The following NDUFS4 variants were observed in gnomAD, a reference collection of about 807,000 sequenced individuals.
The protein encoded by NDUFS4 is NADH:ubiquinone oxidoreductase subunit S4.
A neutral mutation model predicts 24.3 loss-of-function variants in NDUFS4; 28 were observed. The observed-to-expected ratio is 1.15, with a 90% CI of 0.85 to 1.58. The LOEUF is 1.58. Among genes scored for constraint, NDUFS4 ranks in the 40% most tolerant of loss-of-function variants. NDUFS4 has a pLI of 0.00. For missense variants in NDUFS4, 223 were observed against 207.9 expected (o/e 1.07, Z -0.45); for synonymous variants, 93 against 69.7 (o/e 1.34, Z -1.67).
At chr5:53,657,221 T>TA (rs1258862671) in intron 3 of NDUFS4, among the ~76,000 whole-genome samples, 1 of 152,170 alleles carries the variant, frequency 6.6e-6, no homozygotes, top group Non-Finnish European at 1.5e-5. Context: ...ATATATACTT[T>TA]AACTATCAAC....
rs770044273 is a variant in NDUFS4 at position 53,651,157 on chromosome 5, TAAC to T, written c.350+4756_350+4758del. ...TCATTAATTCTTTTTGTTCTGGTGTTAACAACCAGTAGCATGAAAAAATATAAG... is the reference window on the plus strand; with the variant it reads ...TCATTAATTCTTTTTGTTCTGGTGTTAACCAGTAGCATGAAAAAATATAAG... On this transcript the variant is annotated intron_variant, in intron 3 of 4. Transcript: ENST00000296684. 1.2e-4 allele frequency among the ~76,000 whole-genome samples: 19 copies of T among 152,248 alleles called. No individual in the cohort carries two copies. The South Asian group carries it at 1.9e-3, about 15-fold the overall frequency.
chr5:53,572,528 G>T (rs1479385131), intron 1 of NDUFS4, among the ~76,000 whole-genome samples: 2 of 151,978 alleles, frequency 1.3e-5, no homozygotes, highest in Non-Finnish European at 2.9e-5. Context: ...CAAAGTAAAA[G>T]TTTTAAATTT....
At chr5:53,577,833 A>G (rs943237688) in intron 1 of NDUFS4, among the ~76,000 whole-genome samples, 6 of 152,214 alleles carry the variant, frequency 3.9e-5, no homozygotes, top group East Asian at 1.9e-4. Context: ...TTCCTATGCT[A>G]TGTGCCAGGG....
At chr5:53,597,847 A>G (rs1028885097) in intron 1 of NDUFS4, among the ~76,000 whole-genome samples, 4 of 152,190 alleles carry the variant, frequency 2.6e-5, no homozygotes, top group Non-Finnish European at 5.9e-5. Flanking sequence ...TATTTGCAAA[A>G]CACGTATCTC....
intron 1 of NDUFS4, among the ~76,000 whole-genome samples, chr5:53,591,013 T>C (rs1011503050): frequency 2.6e-5 from 4 of 152,232 alleles, no homozygotes; most frequent in Non-Finnish European, 5.9e-5. Context: ...AGATACCCCA[T>C]ATAAATAGAA....
At chr5:53,595,937 G>A (rs72751844) in intron 1 of NDUFS4, among the ~76,000 whole-genome samples, 14,156 of 152,126 alleles carry the variant, frequency 0.093, 784 homozygotes, top group Middle Eastern at 0.13. Context: ...TTGACCAGCT[G>A]AACATTTTAA....
chr5:53,640,533 A>G (rs431602), intron 2 of NDUFS4, among the ~76,000 whole-genome samples: 146,612 of 152,212 alleles, frequency 0.96, 70,641 homozygotes, highest in Admixed American at 0.98. Context: ...AGGTGAACCG[A>G]CTTGTGCAGA....
chr5:53,641,177 T>C (rs1158444476), intron 2 of NDUFS4, among the ~76,000 whole-genome samples: 1 of 152,154 alleles, frequency 6.6e-6, no homozygotes, highest in South Asian at 2.1e-4. Context: ...CATTTTGGTA[T>C]AGCAAACTGA....
At chr5:53,616,300 T>G (rs1750837837) in intron 2 of NDUFS4, among the ~76,000 whole-genome samples, 3 of 152,142 alleles carry the variant, frequency 2.0e-5, no homozygotes, top group African/African-American at 7.2e-5. Context: ...GCTTATATTC[T>G]CATGCTTAAG....
intron 2 of NDUFS4, among the ~76,000 whole-genome samples, chr5:53,622,425 A>AGG (rs1751075803): frequency 6.6e-6 from 1 of 151,858 alleles, no homozygotes; most frequent in South Asian, 2.1e-4. Context: ...GTGGAAGGCC[A>AGG]CCTCCTTGAT....
At chr5:53,649,020 AATTG>A (rs1403249821) in intron 3 of NDUFS4, among the ~76,000 whole-genome samples, 1 of 152,136 alleles carries the variant, frequency 6.6e-6, no homozygotes, top group Non-Finnish European at 1.5e-5. Context: ...TGTTCTAGAC[AATTG>A]ATTATGGCAA....
chr5:53,571,329 A>G (rs991824758), intron 1 of NDUFS4, among the ~76,000 whole-genome samples: 44 of 152,228 alleles, frequency 2.9e-4, no homozygotes, highest in African/African-American at 1.0e-3. Flanking sequence ...TTCAGTTAGC[A>G]TAATGTTTTC....
chr5:53,626,336 G>A (rs556472882), intron 2 of NDUFS4, among the ~76,000 whole-genome samples: 6 of 152,156 alleles, frequency 3.9e-5, no homozygotes, highest in Non-Finnish European at 7.4e-5. Context: ...GAACACTGCC[G>A]CAATAAACAT....
chr5:53,568,537 A>G (rs1002077800), intron 1 of NDUFS4, among the ~76,000 whole-genome samples: 1 of 152,108 alleles, frequency 6.6e-6, no homozygotes, highest in Non-Finnish European at 1.5e-5. Context: ...CCATGCACAT[A>G]AGAGGTATTT....
chr5:53,561,443 A>G (rs1271279413), intron 1 of NDUFS4, among the ~76,000 whole-genome samples: 1 of 151,720 alleles, frequency 6.6e-6, no homozygotes, highest in East Asian at 1.9e-4. Flanking sequence ...GTACTTTTCC[A>G]AAGTATTGTC....
At chr5:53,652,777 G>T (rs1667195263) in intron 3 of NDUFS4, among the ~76,000 whole-genome samples, 3 of 152,086 alleles carry the variant, frequency 2.0e-5, no homozygotes, top group African/African-American at 4.8e-5. Flanking sequence ...TTATCTTTGT[G>T]TAAATATGAA....
intron 1 of NDUFS4, among the ~76,000 whole-genome samples, chr5:53,572,342 A>AG (rs1454716643): frequency 3.9e-5 from 6 of 152,162 alleles, no homozygotes; most frequent in Non-Finnish European, 8.8e-5. Context: ...ACTTCAGAGA[A>AG]GAAGGGATGG....
At chr5:53,640,939 AAAG>A (rs1179608881) in intron 2 of NDUFS4, among the ~76,000 whole-genome samples, 1 of 151,954 alleles carries the variant, frequency 6.6e-6, no homozygotes, top group Non-Finnish European at 1.5e-5. Flanking sequence ...GAATCCCCTT[AAAG>A]ACCGGGACCT....
At chr5:53,660,358 C>T (rs1461990877) in intron 4 of NDUFS4, among the ~76,000 whole-genome samples, 1 of 152,044 alleles carries the variant, frequency 6.6e-6, no homozygotes, top group Non-Finnish European at 1.5e-5. Context: ...CATAGTATTC[C>T]ATGGTGTATA....
Sources: gnomAD v4.1 joint callset for allele counts (sites outside exome capture counted in the v4.1 genomes callset) on GRCh38, gnomAD v4.1.1 for gene constraint, MANE v1.5 for transcripts, NCBI Gene and HGNC (gene_info 2026-07-23, HGNC 2026-07-21) for gene names.